Variants in BACH2 observed in about 807,000 individuals in gnomAD.
BACH2 encodes the protein transcription regulator protein BACH2.
In BACH2, 5 loss-of-function variants were observed where a neutral mutation model predicts 61.8. The ratio of observed to expected loss-of-function variants is 0.08; its 90% CI spans 0.04 to 0.17. The LOEUF is 0.17. Among genes scored for constraint, BACH2 ranks in the 10% least tolerant of loss-of-function variants. The pLI is 1.00. For synonymous variants in BACH2, 446 were observed against 440.1 expected, an observed-to-expected ratio of 1.01 and a Z score of -0.17; for missense variants, 824 against 1,091.1, an observed-to-expected ratio of 0.76 and a Z score of 3.45.
chr6:90,181,250 A>G (rs185735984), intron 4 of BACH2, among the ~76,000 whole-genome samples: 139 of 152,228 alleles, frequency 9.1e-4, no homozygotes, highest in African/African-American at 3.3e-3. Flanking sequence ...GTTTTAATGC[A>G]TTAACACTTT....
rs1472610734 is a variant in BACH2, at chr6:89,957,252, ACTC to A, written c.244-5393_244-5391del. Among the ~76,000 whole-genome samples, 6 of 152,122 alleles carry A rather than the reference ACTC, an allele frequency of 3.9e-5. No homozygotes were observed. In the South Asian group the frequency reaches 6.2e-4, roughly 16 times the overall value. On this transcript the variant is annotated intron_variant, in intron 6 of 8. Coordinates refer to ENST00000257749, the MANE Select transcript of BACH2 (RefSeq NM_021813.4). ...AAAACTGACTTAGTGATCAGGCATC[ACTC>A]CTCATCTTAATTTTCTATAATTCAT...
chr6:90,030,357 G>A (rs764155595), intron 5 of BACH2, among the ~76,000 whole-genome samples: 1 of 152,054 alleles, frequency 6.6e-6, no homozygotes, highest in Non-Finnish European at 1.5e-5. Context: ...GGAAGGCCTG[G>A]GTTTGAGAGA....
At chr6:90,237,413 T>C (rs899987607) in intron 3 of BACH2, among the ~76,000 whole-genome samples, 5 of 152,252 alleles carry the variant, frequency 3.3e-5, no homozygotes, top group African/African-American at 1.2e-4. Context: ...TCAGACCCAG[T>C]GTAGTTTTAT....
intron 3 of BACH2, among the ~76,000 whole-genome samples, chr6:90,248,099 T>C (rs1770696574): frequency 6.6e-6 from 1 of 152,146 alleles, no homozygotes; most frequent in South Asian, 2.1e-4. Context: ...CTTTGCTATC[T>C]CCCCAAGGTG....
In BACH2 at chr6:89,932,592, CA is replaced by C; in HGVS notation, c.2341del (p.Trp781GlyfsTer16). 6.2e-7 allele frequency: 1 copy of C among 1,613,942 alleles called. No homozygotes were observed. The highest frequency in any genetic ancestry group is 1.1e-5 in the South Asian group (1 of 91,068). On this transcript the variant is annotated frameshift_variant, in exon 9 of 9. Coordinates refer to ENST00000257749, the MANE Select transcript of BACH2 (RefSeq NM_021813.4). LOFTEE classifies it high-confidence loss of function. Reference protein sequence around the residue: ...EPGAAPPGPPWAPSNTSENCT... With the variant: ...EPGAAPPGPPXAPSNTSENCT... ...ATTCTCGGAGGTGTTGCTGGGTGCCCAGGGGGGTCCGGGGGGAGCCGCGCCT... is the reference window on the plus strand; with the variant it reads ...ATTCTCGGAGGTGTTGCTGGGTGCCCGGGGGGTCCGGGGGGAGCCGCGCCT...
At chr6:89,952,675 T>C (rs1774202024) in intron 6 of BACH2, among the ~76,000 whole-genome samples, 1 of 152,200 alleles carries the variant, frequency 6.6e-6, no homozygotes, top group Admixed American at 6.5e-5. Context: ...CAGCTGTCTT[T>C]TTTTCCTGGT....
chr6:90,127,472 G>C (rs1375792947), intron 4 of BACH2, among the ~76,000 whole-genome samples: 1 of 152,138 alleles, frequency 6.6e-6, no homozygotes, highest in African/African-American at 2.4e-5. Flanking sequence ...ATACCGCCTT[G>C]GCAGAAAAGG....
chr6:90,132,263 A>AT (rs1212680782), intron 4 of BACH2, among the ~76,000 whole-genome samples: 1 of 152,068 alleles, frequency 6.6e-6, no homozygotes, highest in African/African-American at 2.4e-5. Context: ...GTCTTCGTCT[A>AT]TTTTTTCCTA....
rs369885445 is a variant in BACH2, at chr6:90,188,874, C to T, written c.-162+17695G>A. Among the ~76,000 whole-genome samples, 18 of 151,706 alleles carry T rather than the reference C, an allele frequency of 1.2e-4. No homozygotes were observed. In the East Asian group the frequency reaches 2.5e-3, roughly 21 times the overall value. On this transcript the variant is annotated intron_variant, in intron 4 of 8. Coordinates refer to ENST00000257749, the MANE Select transcript of BACH2 (RefSeq NM_021813.4). ...CCAAAGGCTAGCTCTGAACATTTTG[C>T]CTCCTCTTGACCTTAAATTGTGGGC...
intron 4 of BACH2, among the ~76,000 whole-genome samples, chr6:90,119,271 TC>T (rs1321530887): frequency 3.3e-5 from 5 of 152,226 alleles, no homozygotes; most frequent in African/African-American, 1.2e-4. Context: ...TCATGATTCT[TC>T]CAGGGTCTCC....
At chr6:90,102,844 A>G (rs1582362520) in intron 4 of BACH2, among the ~76,000 whole-genome samples, 1 of 142,856 alleles carries the variant, frequency 7.0e-6, no homozygotes, top group African/African-American at 2.5e-5. Flanking sequence ...AATAATAAAA[A>G]TAAAAGGACC....
intron 6 of BACH2, among the ~76,000 whole-genome samples, chr6:89,994,322 A>C (rs1313180694): frequency 6.6e-6 from 1 of 152,224 alleles, no homozygotes; most frequent in African/African-American, 2.4e-5. Context: ...ATTTCCACTG[A>C]AAATGACACT....
chr6:90,038,416 T>G (rs1779367494), intron 5 of BACH2, among the ~76,000 whole-genome samples: 1 of 152,222 alleles, frequency 6.6e-6, no homozygotes, highest in African/African-American at 2.4e-5. Context: ...TATAATTTTT[T>G]GTGTGTCTGG....
At chr6:90,071,574 C>T (rs1279100529) in intron 5 of BACH2, among the ~76,000 whole-genome samples, 3 of 152,220 alleles carry the variant, frequency 2.0e-5, no homozygotes, top group African/African-American at 7.2e-5. Context: ...TTCCCCATTG[C>T]TTCTCTTTTC....
intron 5 of BACH2, among the ~76,000 whole-genome samples, chr6:90,073,155 A>G (rs1204748316): frequency 2.6e-5 from 4 of 152,228 alleles, no homozygotes; most frequent in South Asian, 4.1e-4. Context: ...CCAATGGCGT[A>G]TTCTTGCTCG....
At chr6:90,061,816 G>A (rs1047295121) in intron 5 of BACH2, among the ~76,000 whole-genome samples, 1 of 152,210 alleles carries the variant, frequency 6.6e-6, no homozygotes, top group African/African-American at 2.4e-5. Context: ...GGAAGATGCG[G>A]CAACAAGGTG....
intron 3 of BACH2, among the ~76,000 whole-genome samples, chr6:90,251,247 CT>C (rs1453072414): frequency 6.6e-6 from 1 of 151,942 alleles, no homozygotes; most frequent in African/African-American, 2.4e-5. Flanking sequence ...GAACAAACTG[CT>C]TTCAACCACT....
chr6:90,027,399 C>A (rs1004223595), intron 5 of BACH2, among the ~76,000 whole-genome samples: 2 of 152,148 alleles, frequency 1.3e-5, no homozygotes, highest in African/African-American at 2.4e-5. Flanking sequence ...GTCTTATATG[C>A]CTATACCACT....
At chr6:89,990,281 T>C (rs1459289834) in intron 6 of BACH2, among the ~76,000 whole-genome samples, 1 of 152,206 alleles carries the variant, frequency 6.6e-6, no homozygotes, top group African/African-American at 2.4e-5. Context: ...TACCAATAGG[T>C]TAATTTGTAA....
Sources: allele counts gnomAD v4.1 joint callset (sites outside exome capture counted in the v4.1 genomes callset), GRCh38; gene constraint gnomAD v4.1.1; transcripts MANE v1.5; gene names NCBI Gene and HGNC (gene_info 2026-07-23, HGNC 2026-07-21).